UEVLD: variants seen among roughly 807,000 people sequenced by gnomAD.
UEVLD encodes the protein ubiquitin-conjugating enzyme E2 variant 3.
UEVLD carries 47 observed loss-of-function variants against 58.6 expected under a neutral mutation model. The ratio of observed to expected loss-of-function variants is 0.80; its 90% CI spans 0.63 to 1.02. UEVLD has a LOEUF of 1.02. Ranked by LOEUF, UEVLD falls within the 50% of genes least tolerant of loss-of-function variation. The pLI is 0.00. For synonymous variants in UEVLD, 197 were observed against 195.3 expected, an observed-to-expected ratio of 1.01 and a Z score of -0.07; for missense variants, 510 against 550.6, an observed-to-expected ratio of 0.93 and a Z score of 0.74.
At chr11:18,535,639 G>A (rs1850759661) in intron 10 of UEVLD, among the ~76,000 whole-genome samples, 1 of 152,146 alleles carries the variant, frequency 6.6e-6, no homozygotes, top group African/African-American at 2.4e-5. Context: ...TAAATTCTGT[G>A]TAGAGTCCTG....
At chr11:18,563,440 G>A (rs1243590780) in intron 6 of UEVLD, among the ~76,000 whole-genome samples, 2 of 151,466 alleles carry the variant, frequency 1.3e-5, no homozygotes, top group Non-Finnish European at 2.9e-5. Flanking sequence ...AAAAATACAA[G>A]AATTAGTGGG....
chr11:18,562,351 G>A (rs1328612739), intron 6 of UEVLD, among the ~76,000 whole-genome samples: 1 of 152,024 alleles, frequency 6.6e-6, no homozygotes, highest in African/African-American at 2.4e-5. Flanking sequence ...AGACCAGCCT[G>A]GCCAACATAG....
In UEVLD at chr11:18,570,289, A is replaced by G. The variant is rs142545875; in HGVS notation, c.282T>C (p.Asn94=). ...CATGTTTTCCGACTAAGATTCCCAT[A>G]TTTGCAGTTGGCTTCAAGAAGCAAA... ...PPICFLKPTA[N]MGILVGKHVD... is the part of the protein sequence containing the mutation. The change falls in exon 4 of 12, where the codon AAT becomes AAC. Residue 94 remains asparagine (N), a synonymous_variant. Transcript: ENST00000396197. The G allele has an allele frequency of 6.3e-7, 1 of 1,597,524 alleles. No homozygotes were observed. Among genetic ancestry groups the G allele is most frequent in the African/African-American group, 1.4e-5 (1 of 73,564 alleles).
intron 3 of UEVLD, among the ~76,000 whole-genome samples, chr11:18,572,558 A>C (rs972995866): frequency 6.6e-6 from 1 of 152,208 alleles, no homozygotes; most frequent in Non-Finnish European, 1.5e-5. Context: ...TAATCCCAGC[A>C]CTTCGGGAGG....
intron 2 of UEVLD, 63 bp from the exon 3 acceptor site, chr11:18,575,475 T>C (rs1188352125): frequency 1.3e-6 from 2 of 1,505,166 alleles, no homozygotes; most frequent in African/African-American, 2.8e-5. Flanking sequence ...TGTAGTAAAG[T>C]ATGTAAGTGT....
At chr11:18,583,401 T>A (rs1853359167) in intron 1 of UEVLD, among the ~76,000 whole-genome samples, 1 of 151,886 alleles carries the variant, frequency 6.6e-6, no homozygotes, top group South Asian at 2.1e-4. Flanking sequence ...GTGTTTTTAG[T>A]GGAGATGGGG....
chr11:18,561,586 A>G (rs969229492), intron 6 of UEVLD, among the ~76,000 whole-genome samples: 2 of 152,178 alleles, frequency 1.3e-5, no homozygotes, highest in Non-Finnish European at 2.9e-5. Context: ...TCACGCCTGT[A>G]ATCCCAACAC....
intron 8 of UEVLD, among the ~76,000 whole-genome samples, chr11:18,545,948 C>T (rs1851288591): frequency 1.3e-5 from 2 of 152,114 alleles, no homozygotes; most frequent in African/African-American, 4.8e-5. Flanking sequence ...TTCAGTGTCG[C>T]ATTATGAATG....
At chr11:18,574,786 G>T (rs1008296544) in intron 3 of UEVLD, among the ~76,000 whole-genome samples, 1 of 152,132 alleles carries the variant, frequency 6.6e-6, no homozygotes, top group Non-Finnish European at 1.5e-5. Context: ...CTAGCTATGT[G>T]ATCTTAGGTA....
chr11:18,553,288 T>G (rs1323849488), intron 7 of UEVLD, among the ~76,000 whole-genome samples: 1 of 149,534 alleles, frequency 6.7e-6, no homozygotes, highest in Non-Finnish European at 1.5e-5. Flanking sequence ...ATTGTGCCAC[T>G]GCACTCCAGC....
chr11:18,569,663 G>A (rs1210741584), intron 4 of UEVLD, among the ~76,000 whole-genome samples: 1 of 152,080 alleles, frequency 6.6e-6, no homozygotes, highest in African/African-American at 2.4e-5. Context: ...GTTTAACATG[G>A]AGAAATGCTC....
chr11:18,582,657 A>C (rs1440164730), intron 1 of UEVLD, among the ~76,000 whole-genome samples: 2 of 152,030 alleles, frequency 1.3e-5, no homozygotes, highest in African/African-American at 2.4e-5. Flanking sequence ...CATATTAAAC[A>C]GTGTATCTTC....
chr11:18,564,616 C>A (rs563765041), intron 6 of UEVLD, among the ~76,000 whole-genome samples: 1 of 151,406 alleles, frequency 6.6e-6, no homozygotes, highest in East Asian at 1.9e-4. Flanking sequence ...TCAGAAAATA[C>A]AAAAGAATTT....
At chr11:18,576,667 A>G (rs1239920250) in intron 2 of UEVLD, among the ~76,000 whole-genome samples, 2 of 152,120 alleles carry the variant, frequency 1.3e-5, no homozygotes, top group Non-Finnish European at 2.9e-5. Context: ...CAGGCCCTAC[A>G]CTTGATGGAT....
chr11:18,551,345 C>T (rs990364086), intron 7 of UEVLD, among the ~76,000 whole-genome samples: 3 of 146,960 alleles, frequency 2.0e-5, no homozygotes, highest in Non-Finnish European at 4.5e-5. Context: ...ATCGCTTGAA[C>T]CTGGGAGGAG....
chr11:18,577,157 T>G (rs573328633), intron 2 of UEVLD, among the ~76,000 whole-genome samples: 1 of 152,298 alleles, frequency 6.6e-6, no homozygotes, highest in South Asian at 2.1e-4. Flanking sequence ...CACTGCAGCC[T>G]GGGCAAACAG....
intron 9 of UEVLD, 125 bp from the exon 10 acceptor site, chr11:18,536,594 CA>C: frequency 3.8e-6 from 3 of 784,936 alleles, no homozygotes; most frequent in Non-Finnish European, 6.1e-6. Context: ...TCATTTCTAG[CA>C]AGTTAGATTT....
In UEVLD at chr11:18,567,225, A is replaced by G. The variant is rs575400912; in HGVS notation, c.358-743T>C. 1.0e-3 allele frequency among the ~76,000 whole-genome samples: 155 copies of G among 152,364 alleles called. 3 individuals are homozygous for G. The highest frequency in any genetic ancestry group is 3.1e-3 in the South Asian group (15 of 4,832). On this transcript the variant is annotated intron_variant, in intron 4 of 11. Transcript: ENST00000396197. ...TTCTTTTAATGTAATTGGTTAAGCA[A>G]CCTTGATGAAATTCACTAACCTTTC...
intron 8 of UEVLD, among the ~76,000 whole-genome samples, chr11:18,545,215 G>A (rs1851256864): frequency 6.6e-6 from 1 of 150,530 alleles, no homozygotes; most frequent in South Asian, 2.1e-4. Context: ...TGGGACTATA[G>A]GCACCTGCCA....
Sources: allele counts gnomAD v4.1 joint callset (sites outside exome capture counted in the v4.1 genomes callset), GRCh38; gene constraint gnomAD v4.1.1; transcripts MANE v1.5; gene names NCBI Gene and HGNC (gene_info 2026-07-23, HGNC 2026-07-21).